The following CNTN6 variants were observed in gnomAD, a reference collection of about 807,000 sequenced individuals.
CNTN6 encodes contactin 6.
A neutral mutation model predicts 122.8 loss-of-function variants in CNTN6; 137 were observed. That is an observed-to-expected ratio of 1.12 (90% CI 0.97 to 1.29). The LOEUF is 1.29. CNTN6 is among the 50% of genes most tolerant of loss of function. The pLI is 0.00. For missense variants in CNTN6, 1,634 were observed against 1,223.4 expected (o/e 1.34, Z -5.01); for synonymous variants, 570 against 426.0 (o/e 1.34, Z -4.16).
chr3:1,173,875 G>A (rs181785886), intron 2 of CNTN6, among the ~76,000 whole-genome samples: 43 of 151,982 alleles, frequency 2.8e-4, no homozygotes, highest in African/African-American at 9.6e-4. Flanking sequence ...TGTACCTCTC[G>A]AGACTTCTGT....
chr3:1,149,916 T>TG (rs1481417608), intron 2 of CNTN6, among the ~76,000 whole-genome samples: 2 of 152,200 alleles, frequency 1.3e-5, no homozygotes, highest in African/African-American at 4.8e-5. Flanking sequence ...GTATCAAATC[T>TG]GAGAAATACT....
intron 4 of CNTN6, among the ~76,000 whole-genome samples, chr3:1,248,666 A>C (rs1029662639): frequency 6.6e-6 from 1 of 152,024 alleles, no homozygotes; most frequent in African/African-American, 2.4e-5. Context: ...CTAAAAATAC[A>C]AAAATTAGCC....
rs577015952 is a variant in CNTN6 at position 1,297,802 on chromosome 3, A to G, written c.659-87A>G. 740 of 982,964 alleles carry G rather than the reference A, an allele frequency of 7.5e-4. 1 individual carries two copies. Among genetic ancestry groups the G allele is most frequent in the Non-Finnish European group, 1.1e-3 (687 of 626,108 alleles). 60.9% of individuals were successfully genotyped at this position (982,964 alleles called of 1,614,324 possible). ...AAACCCTAACTCTTATTAAGAAGAA[A>G]TAATCAGGTTTTGGTTAATGAAGCA... is the stretch of plus-strand genomic sequence containing the variant. On this transcript the variant is annotated intron_variant, in intron 6 of 22. Coordinates refer to ENST00000446702, the MANE Select transcript of CNTN6 (RefSeq NM_001289080.2).
chr3:1,387,935 C>T (rs1385361488), intron 20 of CNTN6, among the ~76,000 whole-genome samples: 2 of 152,088 alleles, frequency 1.3e-5, no homozygotes, highest in African/African-American at 2.4e-5. Context: ...TCGCTGATTG[C>T]TAGCACAGCA....
At chr3:1,374,385 G>A (rs1048920568) in intron 16 of CNTN6, among the ~76,000 whole-genome samples, 5 of 152,068 alleles carry the variant, frequency 3.3e-5, no homozygotes, top group Non-Finnish European at 5.9e-5. Context: ...ATATGCAAAT[G>A]AGTTACTGCT....
At chr3:1,307,886 G>C (rs537700498) in intron 7 of CNTN6, among the ~76,000 whole-genome samples, 1 of 152,078 alleles carries the variant, frequency 6.6e-6, no homozygotes, top group Non-Finnish European at 1.5e-5. Context: ...AATGATTTAT[G>C]ACAGATGATG....
At chr3:1,166,371 T>G (rs540556201) in intron 2 of CNTN6, among the ~76,000 whole-genome samples, 1 of 152,124 alleles carries the variant, frequency 6.6e-6, no homozygotes, top group Admixed American at 6.5e-5. Flanking sequence ...CAAGTACACA[T>G]ATATTCTTCC....
intron 2 of CNTN6, among the ~76,000 whole-genome samples, chr3:1,184,944 C>T (rs1367888348): frequency 6.6e-6 from 1 of 152,030 alleles, no homozygotes; most frequent in African/African-American, 2.4e-5. Flanking sequence ...GCTGTGTTTA[C>T]AGCATTAGGA....
At chr3:1,118,864 A>AC (rs908864751) in intron 1 of CNTN6, among the ~76,000 whole-genome samples, 13 of 151,482 alleles carry the variant, frequency 8.6e-5, no homozygotes, top group African/African-American at 3.2e-4. Flanking sequence ...TCTTAAAAAA[A>AC]AAAAAAACAA....
At chr3:1,267,592 TGGAGAAAAA>T (rs1329409805) in intron 4 of CNTN6, among the ~76,000 whole-genome samples, 35 of 152,300 alleles carry the variant, frequency 2.3e-4, no homozygotes, top group African/African-American at 8.2e-4. Flanking sequence ...CACTTGATAT[TGGAGAAAAA>T]TTGGAATGCT....
At chr3:1,267,608 T>C (rs571883010) in intron 4 of CNTN6, among the ~76,000 whole-genome samples, 1 of 152,324 alleles carries the variant, frequency 6.6e-6, no homozygotes, top group African/African-American at 2.4e-5. Context: ...AAAATTGGAA[T>C]GCTGATATCC....
chr3:1,202,642 T>A (rs2093901641), intron 2 of CNTN6, among the ~76,000 whole-genome samples: 2 of 152,034 alleles, frequency 1.3e-5, no homozygotes, highest in African/African-American at 4.8e-5. Context: ...TCAGGGAAAC[T>A]ATTTGTCTTC....
chr3:1,393,726 C>G (rs79496406), intron 20 of CNTN6, among the ~76,000 whole-genome samples: 1 of 151,496 alleles, frequency 6.6e-6, no homozygotes, highest in African/African-American at 2.4e-5. Context: ...CTCAGGTCAA[C>G]TTTTATTATA....
chr3:1,293,359 A>G (rs1210479317), intron 5 of CNTN6, among the ~76,000 whole-genome samples: 1 of 151,604 alleles, frequency 6.6e-6, no homozygotes, highest in African/African-American at 2.4e-5. Context: ...CAAAATGACA[A>G]TATTCCCTCA....
chr3:1,160,361 TATATATAC>T (rs148550010), intron 2 of CNTN6, among the ~76,000 whole-genome samples: 3,876 of 145,366 alleles, frequency 0.027, 146 homozygotes, highest in Non-Finnish European at 0.044. Flanking sequence ...TATATATATA[TATATATAC>T]ACACTACCTA....
chr3:1,240,914 G>A (rs2125605123), intron 4 of CNTN6, among the ~76,000 whole-genome samples: 1 of 152,090 alleles, frequency 6.6e-6, no homozygotes, highest in African/African-American at 2.4e-5. Flanking sequence ...GATTTGGGAA[G>A]GTGATGGAAA....
chr3:1,242,885 C>T (rs2094505122), intron 4 of CNTN6, among the ~76,000 whole-genome samples: 2 of 152,152 alleles, frequency 1.3e-5, no homozygotes, highest in East Asian at 3.9e-4. Context: ...TGAAGCCTGG[C>T]CGTCAATACC....
intron 20 of CNTN6, among the ~76,000 whole-genome samples, chr3:1,388,070 G>T (rs1693383357): frequency 6.6e-6 from 1 of 152,090 alleles, no homozygotes; most frequent in African/African-American, 2.4e-5. Context: ...ACAGCTCAAG[G>T]AGGCCTGCCT....
chr3:1,384,592 A>C (rs1333819055), intron 19 of CNTN6, among the ~76,000 whole-genome samples: 1 of 151,546 alleles, frequency 6.6e-6, no homozygotes, highest in Non-Finnish European at 1.5e-5. Context: ...TCAGTGATTC[A>C]CAAAATGGGT....
Sources: gnomAD v4.1 joint callset for allele counts (sites outside exome capture counted in the v4.1 genomes callset) on GRCh38, gnomAD v4.1.1 for gene constraint, MANE v1.5 for transcripts, NCBI Gene and HGNC (gene_info 2026-07-23, HGNC 2026-07-21) for gene names.